The following PPCDC variants were observed in gnomAD, a reference collection of about 807,000 sequenced individuals.
PPCDC encodes the protein phosphopantothenoylcysteine decarboxylase.
PPCDC carries 20 observed loss-of-function variants against 20.7 expected under a neutral mutation model. The observed-to-expected ratio is 0.97, with a 90% CI of 0.68 to 1.41. PPCDC has a LOEUF of 1.41. Ranked by LOEUF, PPCDC falls within the 40% of genes most tolerant of loss-of-function variation. The probability of loss-of-function intolerance (pLI) is 0.00; values close to 1 mark genes in which losing one functional copy is unlikely to be tolerated. For synonymous variants in PPCDC, 88 were observed against 100.3 expected, an observed-to-expected ratio of 0.88 and a Z score of 0.73; for missense variants, 246 against 263.8, an observed-to-expected ratio of 0.93 and a Z score of 0.47.
intron 2 of PPCDC, among the ~76,000 whole-genome samples, chr15:75,030,448 C>T (rs2066008094): frequency 6.6e-6 from 1 of 152,260 alleles, no homozygotes; most frequent in South Asian, 2.1e-4. Context: ...CACAGTTCAC[C>T]TGCTCTTGTG....
chr15:75,046,405 T>C (rs2066234981), intron 4 of PPCDC, among the ~76,000 whole-genome samples: 1 of 152,248 alleles, frequency 6.6e-6, no homozygotes, highest in Admixed American at 6.5e-5. Context: ...AGTACTGGCC[T>C]CTGGGAGCTA....
chr15:75,024,578 C>T (rs2065940118), intron 1 of PPCDC, among the ~76,000 whole-genome samples: 1 of 151,920 alleles, frequency 6.6e-6, no homozygotes, highest in Non-Finnish European at 1.5e-5. Context: ...TGGTCTCAAA[C>T]TCCTGGCTCA....
At chr15:75,031,428 A>G (rs918011947) in intron 2 of PPCDC, among the ~76,000 whole-genome samples, 5 of 152,130 alleles carry the variant, frequency 3.3e-5, no homozygotes. Flanking sequence ...CAACTGACTT[A>G]TAAACAAAAT....
chr15:75,047,836 G>A (rs923770570), intron 4 of PPCDC, among the ~76,000 whole-genome samples: 2 of 152,214 alleles, frequency 1.3e-5, no homozygotes, highest in Non-Finnish European at 2.9e-5. Context: ...TGAACTCAGG[G>A]CTACGTAATT....
intron 2 of PPCDC, among the ~76,000 whole-genome samples, chr15:75,035,983 A>T (rs1394725576): frequency 7.1e-6 from 1 of 140,114 alleles, no homozygotes; most frequent in Admixed American, 7.2e-5. Flanking sequence ...AAAAAAAAAA[A>T]GGAAAAAAAC....
intron 2 of PPCDC, among the ~76,000 whole-genome samples, chr15:75,030,867 C>G (rs2066012644): frequency 1.3e-5 from 2 of 152,102 alleles, no homozygotes; most frequent in Admixed American, 6.5e-5. Flanking sequence ...TCCAGACATC[C>G]CGGGAAAGCC....
rs2066302391 is a variant in PPCDC, at chr15:75,050,548, A to C, written c.*1313A>C. The C allele has an allele frequency of 6.6e-6, 1 of 152,280 alleles. No homozygotes were observed. The highest frequency in any genetic ancestry group is 1.5e-5 in the Non-Finnish European group (1 of 68,092). The allele number at this position is 152,280 out of a possible 1,614,324, so 9.4% of individuals were successfully genotyped here. A position where few individuals can be genotyped will look rare whatever the true frequency, so the allele number is the denominator to read the frequency against. ...CCAGGCCAGGTGTGAGGGACATCCC[A>C]TGTGGGCTCTGAGAGCACTGAGAGT... is the stretch of plus-strand genomic sequence containing the variant. On this transcript the variant is annotated 3_prime_UTR_variant, in exon 6 of 6. Transcript: ENST00000342932.
chr15:75,039,832 T>C, intron 2 of PPCDC, among the ~76,000 whole-genome samples: 1 of 151,514 alleles, frequency 6.6e-6, no homozygotes, highest in Non-Finnish European at 1.5e-5. Flanking sequence ...TTGCCCAGGC[T>C]GGAGTGCAAT....
At chr15:75,043,733 G>A (rs1343672582) in intron 3 of PPCDC, 197 bp downstream of exon 3, 1 of 581,550 alleles carries the variant, frequency 1.7e-6, no homozygotes, top group East Asian at 2.9e-5. Context: ...TCTCCTCCCG[G>A]CCCAGGCAGA....
At chr15:75,024,227 G>A (rs1370426476) in intron 1 of PPCDC, among the ~76,000 whole-genome samples, 1 of 152,146 alleles carries the variant, frequency 6.6e-6, no homozygotes, top group Non-Finnish European at 1.5e-5. Context: ...TGGAGCAGGG[G>A]TTTCCACATC....
intron 4 of PPCDC, among the ~76,000 whole-genome samples, 165 bp from the exon 5 acceptor site, chr15:75,048,388 G>A (rs1434268617): frequency 6.6e-6 from 1 of 152,190 alleles, no homozygotes; most frequent in Non-Finnish European, 1.5e-5. Context: ...AGAGAGGCGA[G>A]GAGACATAGC....
At position 75,028,267 on chromosome 15, in the gene PPCDC, T is replaced by C; in HGVS notation, c.-52T>C. 1 of 1,596,264 alleles carries C rather than the reference T, an allele frequency of 6.3e-7. No homozygotes were observed. Reference sequence around the variant, plus strand: ...TTTAGATCCTAAATCCCGACAGCTTTATAGAGCCCAGGCCTGGCAGGCTCC... The same window carrying C: ...TTTAGATCCTAAATCCCGACAGCTTCATAGAGCCCAGGCCTGGCAGGCTCC... On this transcript the variant is annotated 5_prime_UTR_variant, in exon 2 of 6. Coordinates refer to ENST00000342932, the MANE Select transcript of PPCDC (RefSeq NM_021823.5).
rs2141511564 is a variant in PPCDC at position 75,050,465 on chromosome 15, G to A, written c.*1230G>A. Reference sequence around the variant, plus strand: ...TGCCATTTGGTGTGGCTGCAGCGGGGAGGGCTTGTCTGCGTATTTGGAGCT... The same window carrying A: ...TGCCATTTGGTGTGGCTGCAGCGGGAAGGGCTTGTCTGCGTATTTGGAGCT... On this transcript the variant is annotated 3_prime_UTR_variant, in exon 6 of 6. Coordinates refer to ENST00000342932, the MANE Select transcript of PPCDC (RefSeq NM_021823.5). 1 of 152,558 alleles carries A rather than the reference G, an allele frequency of 6.6e-6. No homozygotes were observed. Among genetic ancestry groups the A allele is most frequent in the East Asian group, 1.9e-4 (1 of 5,190 alleles). 9.5% of individuals were successfully genotyped at this position (152,558 alleles called of 1,614,324 possible).
At chr15:75,037,829 G>C (rs1367552893) in intron 2 of PPCDC, among the ~76,000 whole-genome samples, 1 of 152,114 alleles carries the variant, frequency 6.6e-6, no homozygotes, top group Non-Finnish European at 1.5e-5. Flanking sequence ...GGTGGTAGGA[G>C]GGACCTGAAC....
chr15:75,027,167 C>T (rs1165547508), intron 1 of PPCDC, among the ~76,000 whole-genome samples: 2 of 152,154 alleles, frequency 1.3e-5, no homozygotes, highest in Non-Finnish European at 2.9e-5. Context: ...AAGGACTGAT[C>T]TCAAATAATT....
chr15:75,037,066 C>G (rs959682729), intron 2 of PPCDC, among the ~76,000 whole-genome samples: 74 of 152,262 alleles, frequency 4.9e-4, no homozygotes, highest in African/African-American at 1.7e-3. Flanking sequence ...AGTGGAGGAC[C>G]TAGACCTTCA....
chr15:75,032,724 A>G (rs893770461), intron 2 of PPCDC, among the ~76,000 whole-genome samples: 7 of 96,712 alleles, frequency 7.2e-5, no homozygotes, highest in South Asian at 4.7e-4. Context: ...AGCAAACTGG[A>G]CCCCCCCCCC....
At chr15:75,028,838 C>T (rs1049941452) in intron 2 of PPCDC, among the ~76,000 whole-genome samples, 8 of 152,148 alleles carry the variant, frequency 5.3e-5, no homozygotes, top group African/African-American at 1.4e-4. Flanking sequence ...GCTTTCATTC[C>T]GCCTTGAACA....
At chr15:75,047,422 T>A (rs2066250718) in intron 4 of PPCDC, among the ~76,000 whole-genome samples, 1 of 152,242 alleles carries the variant, frequency 6.6e-6, no homozygotes, top group African/African-American at 2.4e-5. Flanking sequence ...GTGCTGGTCC[T>A]GTCCTGTCGG....
Sources: allele counts gnomAD v4.1 joint callset (sites outside exome capture counted in the v4.1 genomes callset), GRCh38; gene constraint gnomAD v4.1.1; transcripts MANE v1.5; gene names NCBI Gene and HGNC (gene_info 2026-07-23, HGNC 2026-07-21).